TSHZ2: variants seen among roughly 807,000 people sequenced by gnomAD.
TSHZ2 encodes teashirt homolog 2.
Under a neutral mutation model 74.4 loss-of-function variants are expected in TSHZ2, and 21 were observed. That is an observed-to-expected ratio of 0.28 (90% confidence interval 0.20 to 0.41). The LOEUF (loss-of-function observed/expected upper bound fraction) is 0.41. TSHZ2 is among the 10% of genes least tolerant of loss of function. The pLI, the probability that TSHZ2 is intolerant of heterozygous loss-of-function variation, is 1.00. For synonymous variants in TSHZ2, 540 were observed against 515.3 expected (o/e 1.05, Z -0.65); for missense variants, 1,244 against 1,293.5 (o/e 0.96, Z 0.59).
intron 2 of TSHZ2, among the ~76,000 whole-genome samples, chr20:53,411,665 T>C (rs952727626): frequency 2.0e-5 from 3 of 151,986 alleles, no homozygotes; most frequent in Non-Finnish European, 4.4e-5. Flanking sequence ...CTCGTCTCTA[T>C]AAAAAACTTA....
Position 53,258,270 on chromosome 20 carries a change from C to T in TSHZ2, c.*8+1699C>T, listed in dbSNP as rs559138183. On this transcript the variant is annotated intron_variant, in intron 2 of 2. Transcript: ENST00000371497. ...AGCCAAAATGCATCCATTGAATTCA[C>T]ACCTGAGCTTGGGGTTCAACAGCGT... Among the ~76,000 whole-genome samples, 42 of 152,292 alleles carry T rather than the reference C, an allele frequency of 2.8e-4. 1 individual carries two copies. The South Asian group carries it at 8.3e-3, about 30-fold the overall frequency.
At chr20:53,340,217 CTG>C (rs1363702737) in intron 2 of TSHZ2, among the ~76,000 whole-genome samples, 1 of 22,118 alleles carries the variant, frequency 4.5e-5, no homozygotes, top group Non-Finnish European at 9.3e-5. Context: ...GAGTCTCGCT[CTG>C]TCACCCAGGC....
chr20:53,131,402 T>C (rs889934685), intron 1 of TSHZ2, among the ~76,000 whole-genome samples: 2 of 152,240 alleles, frequency 1.3e-5, no homozygotes, highest in Non-Finnish European at 2.9e-5. Flanking sequence ...CCCTGCAATC[T>C]AGCTGGAGGC....
chr20:53,099,871 C>T (rs1475629388), intron 1 of TSHZ2, among the ~76,000 whole-genome samples: 1 of 152,154 alleles, frequency 6.6e-6, no homozygotes, highest in African/African-American at 2.4e-5. Context: ...TGGGTGGGGA[C>T]ACAGCCAAAC....
At chr20:53,386,487 T>C (rs1199711870) in intron 2 of TSHZ2, among the ~76,000 whole-genome samples, 1 of 152,250 alleles carries the variant, frequency 6.6e-6, no homozygotes, top group Non-Finnish European at 1.5e-5. Context: ...CTGGCACTAA[T>C]GATCCTATGG....
In TSHZ2 at chr20:53,255,241, G is replaced by A. The variant is rs748498843; in HGVS notation, c.1783G>A (p.Ala595Thr). The A allele has an allele frequency of 1.4e-5, 23 of 1,614,144 alleles. No individual in the cohort carries two copies. The highest frequency in any genetic ancestry group is 1.8e-5 in the Non-Finnish European group (21 of 1,180,034). Residue 595 changes from alanine to threonine, a missense_variant, in exon 2 of 3, where the codon GCC (alanine) becomes ACC (threonine). By Grantham distance (58) the Ala-to-Thr change is moderately conservative (BLOSUM62 0). This residue lies in a region of TSHZ2 where 562 missense variants were observed against 544.0 expected (regional missense o/e 1.03). Coordinates refer to ENST00000371497, the MANE Select transcript of TSHZ2 (RefSeq NM_173485.6). The surrounding 1 kb of genome is among the most constrained non-coding windows in gnomAD (Gnocchi z 4.1). ...MPLVSMPTHLAPYTQVKKESE... is the reference protein window; with the variant it reads ...MPLVSMPTHLTPYTQVKKESE... Reference sequence around the variant, plus strand: ...ACTGGTTTCTATGCCCACACACCTGGCCCCTTACACTCAAGTCAAGAAAGA... The same window carrying A: ...ACTGGTTTCTATGCCCACACACCTGACCCCTTACACTCAAGTCAAGAAAGA...
chr20:53,448,152 C>T (rs968432348), intron 2 of TSHZ2, among the ~76,000 whole-genome samples: 8 of 152,070 alleles, frequency 5.3e-5, no homozygotes, highest in East Asian at 1.9e-4. Flanking sequence ...CCTCGTGATC[C>T]GCCCACCTCG....
At chr20:53,284,525 A>G (rs1351017442) in intron 2 of TSHZ2, among the ~76,000 whole-genome samples, 2 of 152,230 alleles carry the variant, frequency 1.3e-5, no homozygotes, top group African/African-American at 4.8e-5. Flanking sequence ...ATGTTGATGC[A>G]CATTAATGGG....
intron 2 of TSHZ2, among the ~76,000 whole-genome samples, chr20:53,436,776 C>T (rs547047684): frequency 4.6e-5 from 7 of 151,934 alleles, no homozygotes; most frequent in South Asian, 2.1e-4. Flanking sequence ...GCCTAAAACT[C>T]CTGACCTCAA....
chr20:53,051,442 T>C (rs1359019784), intron 1 of TSHZ2, among the ~76,000 whole-genome samples: 1 of 135,740 alleles, frequency 7.4e-6, no homozygotes, highest in Non-Finnish European at 1.6e-5. Context: ...CTTATCATAT[T>C]ACTCTGTGGC....
intron 2 of TSHZ2, among the ~76,000 whole-genome samples, chr20:53,265,963 C>A (rs547340625): frequency 6.6e-6 from 1 of 152,236 alleles, no homozygotes; most frequent in Non-Finnish European, 1.5e-5. Flanking sequence ...GGCACTGAGA[C>A]TATAACAGGG....
intron 2 of TSHZ2, among the ~76,000 whole-genome samples, chr20:53,344,445 G>A (rs1342007061): frequency 2.6e-5 from 4 of 152,112 alleles, no homozygotes; most frequent in African/African-American, 9.7e-5. Flanking sequence ...CACTGAAGTT[G>A]AGACCAAAGA....
intron 1 of TSHZ2, among the ~76,000 whole-genome samples, chr20:53,223,903 A>G (rs562094051): frequency 1.1e-3 from 136 of 123,112 alleles, no homozygotes; most frequent in African/African-American, 3.6e-3. Context: ...GACTAAACAC[A>G]CACACACACA....
intron 2 of TSHZ2, among the ~76,000 whole-genome samples, chr20:53,472,928 C>A (rs1297440947): frequency 6.6e-6 from 1 of 152,108 alleles, no homozygotes; most frequent in Non-Finnish European, 1.5e-5. Flanking sequence ...CACTCTCACC[C>A]GAATACTGCG....
intron 1 of TSHZ2, among the ~76,000 whole-genome samples, chr20:53,141,070 TGTTTGAGACCATCA>T (rs1414890331): frequency 6.6e-6 from 1 of 152,174 alleles, no homozygotes; most frequent in Non-Finnish European, 1.5e-5. Context: ...ATTTGTTAAG[TGTTTGAGACCATCA>T]GAAGCTGACC....
At chr20:53,358,566 A>T (rs1980937680) in intron 2 of TSHZ2, among the ~76,000 whole-genome samples, 1 of 151,540 alleles carries the variant, frequency 6.6e-6, no homozygotes, top group Non-Finnish European at 1.5e-5. Context: ...GCTGGTCTCG[A>T]TCTCCTGGCC....
intron 2 of TSHZ2, among the ~76,000 whole-genome samples, chr20:53,283,425 C>A (rs1991102989): frequency 1.3e-5 from 2 of 152,250 alleles, no homozygotes; most frequent in African/African-American, 2.4e-5. Context: ...TGTCATCACC[C>A]CTATTTTACA....
intron 1 of TSHZ2, among the ~76,000 whole-genome samples, chr20:53,037,749 CG>C (rs1358418174): frequency 6.6e-6 from 1 of 152,128 alleles, no homozygotes; most frequent in Non-Finnish European, 1.5e-5. Context: ...CTGTGAGCAC[CG>C]GGAGACTTGT....
chr20:53,011,135 T>C (rs1982836009), intron 1 of TSHZ2, among the ~76,000 whole-genome samples: 1 of 152,234 alleles, frequency 6.6e-6, no homozygotes, highest in Non-Finnish European at 1.5e-5. Flanking sequence ...TGATCCAGCT[T>C]GGCCTGAATT....
Sources: gnomAD v4.1 joint callset for allele counts (sites outside exome capture counted in the v4.1 genomes callset) on GRCh38, gnomAD v4.1.1 for gene constraint, gnomAD v4.1.1 regional missense constraint, Gnocchi (gnomAD v3.1) non-coding constraint, MANE v1.5 for transcripts, NCBI Gene and HGNC (gene_info 2026-07-23, HGNC 2026-07-21) for gene names.